LPAR1: variants seen among roughly 807,000 people sequenced by gnomAD.
LPAR1 encodes lysophosphatidic acid receptor 1, also known as LPA receptor 1.
In LPAR1, 5 loss-of-function variants were observed where a neutral mutation model predicts 23.8. The ratio of observed to expected loss-of-function variants is 0.21; its 90% CI spans 0.11 to 0.44. The LOEUF (loss-of-function observed/expected upper bound fraction) is 0.44. Among genes scored for constraint, LPAR1 ranks in the 20% least tolerant of loss-of-function variants. The pLI is 0.99. For synonymous variants in LPAR1, 160 were observed against 164.7 expected, an observed-to-expected ratio of 0.97 and a Z score of 0.22; for missense variants, 311 against 482.8, an observed-to-expected ratio of 0.64 and a Z score of 3.33.
At chr9:111,025,613 T>C (rs1173061483) in intron 2 of LPAR1, among the ~76,000 whole-genome samples, 2 of 152,224 alleles carry the variant, frequency 1.3e-5, no homozygotes, top group African/African-American at 4.8e-5. Context: ...AGTCATGAAG[T>C]CTTTGCCCAT....
Position 111,038,461 on chromosome 9 carries a change from G to A in LPAR1, c.-556C>T, listed in dbSNP as rs1246666283. 6 of 337,214 alleles carry A rather than the reference G, an allele frequency of 1.8e-5. No individual in the cohort carries two copies. Among genetic ancestry groups the A allele is most frequent in the Non-Finnish European group, 2.9e-5 (5 of 170,938 alleles). The allele number at this position is 337,214 out of a possible 1,614,324, so 20.9% of individuals were successfully genotyped here. ...ACTCAGGGAGCGTCAGCCGCCAGTC[G>A]GCCCCTACTGCCCGGCTTTGGCGCG... On this transcript the variant is annotated 5_prime_UTR_variant, in exon 1 of 6. Transcript: ENST00000683809. The surrounding 1 kb of genome is among the most constrained non-coding windows in gnomAD (Gnocchi z 4.4).
At chr9:110,919,880 C>A (rs1050324876) in intron 5 of LPAR1, among the ~76,000 whole-genome samples, 1 of 152,154 alleles carries the variant, frequency 6.6e-6, no homozygotes, top group Non-Finnish European at 1.5e-5. Context: ...TTTAGATTGT[C>A]ATAGTGACTC....
chr9:111,019,491 T>C (rs751739460), intron 2 of LPAR1, among the ~76,000 whole-genome samples: 4 of 152,032 alleles, frequency 2.6e-5, no homozygotes, highest in East Asian at 1.9e-4. Context: ...AGGTAAATGA[T>C]AGTGTGTGTT....
chr9:111,035,981 G>C (rs2097885830), intron 2 of LPAR1, 141 bp downstream of exon 2: 1 of 152,172 alleles, frequency 6.6e-6, no homozygotes, highest in Non-Finnish European at 1.5e-5. Flanking sequence ...CGTTCCAGTA[G>C]GTCACTAATG....
In LPAR1 at chr9:111,012,469, GCACACACA is replaced by G. The variant is rs3030186; in HGVS notation, c.-182+23645_-182+23652del. ...CACACACATGCATGTACGCACGCGC[GCACACACA>G]CACACACACACACACACATACACAC... is the stretch of plus-strand genomic sequence containing the variant. On this transcript the variant is annotated intron_variant, in intron 2 of 5. Coordinates refer to ENST00000683809, the MANE Select transcript of LPAR1 (RefSeq NM_001351411.2). Among the ~76,000 whole-genome samples the G allele has an allele frequency of 2.4e-3, 365 of 150,060 alleles. 1 individual carries two copies. The highest frequency in any genetic ancestry group is 7.9e-3 in the African/African-American group (324 of 40,958).
intron 5 of LPAR1, among the ~76,000 whole-genome samples, chr9:110,895,789 T>A (rs2086122284): frequency 6.6e-6 from 1 of 152,034 alleles, no homozygotes; most frequent in African/African-American, 2.4e-5. Context: ...TGCAGAACAG[T>A]TCTGGCTAAA....
At chr9:110,973,404 G>A (rs2096481869) in intron 3 of LPAR1, 77 bp downstream of exon 3, 1 of 152,100 alleles carries the variant, frequency 6.6e-6, no homozygotes, top group African/African-American at 2.4e-5. Context: ...GAAACGTAAC[G>A]AAGTTAATGT....
intron 2 of LPAR1, among the ~76,000 whole-genome samples, chr9:111,005,796 C>T (rs1056713292): frequency 3.9e-5 from 6 of 152,084 alleles, no homozygotes; most frequent in Admixed American, 1.3e-4. Context: ...AGGTGAACTC[C>T]CTTTATCTTT....
chr9:110,960,991 T>C (rs1422819887), intron 4 of LPAR1, among the ~76,000 whole-genome samples: 1 of 152,208 alleles, frequency 6.6e-6, no homozygotes, highest in African/African-American at 2.4e-5. Flanking sequence ...CTTATAAACT[T>C]GTTCCATTTC....
In LPAR1 at chr9:111,037,635, G is replaced by T. The variant is rs181024204; in HGVS notation, c.-262+532C>A. ...AAACTTAGTTAAAAGTCCTCAGCCC[G>T]GTGGTGGGGGACAACCGAGTCGTCA... On this transcript the variant is annotated intron_variant, in intron 1 of 5. Transcript: ENST00000683809. Among the ~76,000 whole-genome samples the T allele has an allele frequency of 5.8e-3, 879 of 152,336 alleles. 4 individuals carry two copies. Among genetic ancestry groups the T allele is most frequent in the African/African-American group, 0.02 (812 of 41,586 alleles).
chr9:110,917,224 C>T (rs2134821698), intron 5 of LPAR1, among the ~76,000 whole-genome samples: 1 of 151,680 alleles, frequency 6.6e-6, no homozygotes, highest in East Asian at 1.9e-4. Flanking sequence ...TGGTACATGC[C>T]TGTAATCCCA....
intron 4 of LPAR1, among the ~76,000 whole-genome samples, chr9:110,952,930 T>A (rs1353786199): frequency 6.6e-6 from 1 of 152,148 alleles, no homozygotes; most frequent in Non-Finnish European, 1.5e-5. Context: ...CACTGGCACC[T>A]GAGCACACTT....
intron 2 of LPAR1, among the ~76,000 whole-genome samples, chr9:111,012,421 G>A (rs576767707): frequency 2.0e-5 from 3 of 151,804 alleles, no homozygotes; most frequent in Non-Finnish European, 2.9e-5. Context: ...TTGCCGAATT[G>A]TTATTGTTTT....
At chr9:110,975,557 G>A (rs1450583551) in intron 2 of LPAR1, among the ~76,000 whole-genome samples, 1 of 152,184 alleles carries the variant, frequency 6.6e-6, no homozygotes, top group Admixed American at 6.5e-5. Flanking sequence ...TCTTTCCATA[G>A]GCCAATATTC....
At chr9:110,909,557 C>T (rs1388370227) in intron 5 of LPAR1, among the ~76,000 whole-genome samples, 1 of 152,132 alleles carries the variant, frequency 6.6e-6, no homozygotes, top group Non-Finnish European at 1.5e-5. Context: ...AGGTTTGTGG[C>T]AGCCCTGTAT....
At chr9:110,936,546 A>G (rs1177091793) in intron 5 of LPAR1, among the ~76,000 whole-genome samples, 1 of 152,224 alleles carries the variant, frequency 6.6e-6, no homozygotes, top group East Asian at 1.9e-4. Context: ...TAAAATGAGG[A>G]AAATGTAACT....
intron 2 of LPAR1, among the ~76,000 whole-genome samples, chr9:110,993,414 T>C (rs1360909813): frequency 6.6e-6 from 1 of 152,140 alleles, no homozygotes; most frequent in Non-Finnish European, 1.5e-5. Context: ...CCTTGATCTC[T>C]TGATTATAGG....
chr9:110,960,644 T>A (rs540611155), intron 4 of LPAR1, among the ~76,000 whole-genome samples: 13 of 152,142 alleles, frequency 8.5e-5, no homozygotes, highest in East Asian at 3.9e-4. Context: ...TAATTTTTTT[T>A]AAAAAAGGAA....
At chr9:110,913,743 C>T (rs998838796) in intron 5 of LPAR1, among the ~76,000 whole-genome samples, 3 of 152,030 alleles carry the variant, frequency 2.0e-5, no homozygotes, top group East Asian at 1.9e-4. Flanking sequence ...TTTGGAAGGA[C>T]GAGAACATTA....
Sources: allele counts gnomAD v4.1 joint callset (sites outside exome capture counted in the v4.1 genomes callset), GRCh38; gene constraint gnomAD v4.1.1; non-coding constraint Gnocchi (gnomAD v3.1); transcripts MANE v1.5; gene names NCBI Gene and HGNC (gene_info 2026-07-23, HGNC 2026-07-21).